PCDH15: variants seen among roughly 807,000 people sequenced by gnomAD.
PCDH15 encodes the protein protocadherin-15.
A neutral mutation model predicts 178.5 loss-of-function variants in PCDH15; 129 were observed. The ratio of observed to expected loss-of-function variants is 0.72; its 90% CI spans 0.63 to 0.84. The LOEUF (loss-of-function observed/expected upper bound fraction) is 0.84, where lower values mean the gene tolerates loss of function less well. PCDH15 is among the 40% of genes least tolerant of loss of function. The pLI, the probability that PCDH15 is intolerant of heterozygous loss-of-function variation, is 0.00. For synonymous variants in PCDH15, 800 were observed against 732.0 expected, an observed-to-expected ratio of 1.09 and a Z score of -1.50; for missense variants, 2,230 against 2,099.9, an observed-to-expected ratio of 1.06 and a Z score of -1.21.
At chr10:54,166,629 C>T (rs2046257495) in intron 13 of PCDH15, among the ~76,000 whole-genome samples, 1 of 152,046 alleles carries the variant, frequency 6.6e-6, no homozygotes, top group Non-Finnish European at 1.5e-5. Flanking sequence ...ATCTCAATAC[C>T]CAACTATTTT....
chr10:53,859,727 G>T (rs2078980772), intron 27 of PCDH15, among the ~76,000 whole-genome samples: 2 of 151,962 alleles, frequency 1.3e-5, no homozygotes, highest in Non-Finnish European at 2.9e-5. Context: ...TACTGATATA[G>T]ATCCGAAAAA....
chr10:54,330,877 C>G (rs1252893613), intron 6 of PCDH15, among the ~76,000 whole-genome samples: 1 of 151,554 alleles, frequency 6.6e-6, no homozygotes, highest in Non-Finnish European at 1.5e-5. Context: ...CTGAAATTGT[C>G]TTGTGGTTGT....
chr10:55,065,251 T>A (rs1402699165), intron 2 of PCDH15, among the ~76,000 whole-genome samples: 2 of 152,054 alleles, frequency 1.3e-5, no homozygotes, highest in Non-Finnish European at 2.9e-5. Flanking sequence ...CTACTTCCAA[T>A]CCCCATTCTT....
chr10:55,099,852 G>A lies in PCDH15; in HGVS notation c.-80+66724C>T, dbSNP rs554598481. On this transcript the variant is annotated intron_variant, in intron 2 of 5. Transcript: ENST00000458638. The stretch of plus-strand genomic sequence containing the variant: ...AGCTTTCTTCATTACTCATAGCAGT[G>A]GATATACACAAATCCATTTAGGGGT... Among the ~76,000 whole-genome samples, 3 of 152,034 alleles carry A rather than the reference G, an allele frequency of 2.0e-5. No homozygotes were observed. In the South Asian group the frequency reaches 6.2e-4, roughly 32 times the overall value.
At chr10:54,207,546 A>G (rs914285149) in intron 10 of PCDH15, among the ~76,000 whole-genome samples, 1 of 152,018 alleles carries the variant, frequency 6.6e-6, no homozygotes, top group African/African-American at 2.4e-5. Context: ...GAGCTTCTAC[A>G]TCCTCTGTGA....
intron 2 of PCDH15, among the ~76,000 whole-genome samples, chr10:55,463,556 G>A (rs956350488): frequency 1.3e-5 from 2 of 152,032 alleles, no homozygotes; most frequent in African/African-American, 2.4e-5. Context: ...ACAGAGAAAG[G>A]CTGAGAGTGG....
At chr10:55,305,642 T>G (rs1363118098) in intron 1 of PCDH15, among the ~76,000 whole-genome samples, 1 of 152,350 alleles carries the variant, frequency 6.6e-6, no homozygotes, top group African/African-American at 2.4e-5. Flanking sequence ...ACTGCAAAAC[T>G]ATTCAATGGG....
At chr10:54,069,585 C>T (rs1292842497) in intron 17 of PCDH15, among the ~76,000 whole-genome samples, 2 of 152,004 alleles carry the variant, frequency 1.3e-5, no homozygotes, top group Non-Finnish European at 2.9e-5. Flanking sequence ...TTTTTTAATA[C>T]CACTTGCTTC....
chr10:54,140,710 A>C, intron 14 of PCDH15, among the ~76,000 whole-genome samples: 1 of 143,430 alleles, frequency 7.0e-6, no homozygotes, highest in Non-Finnish European at 1.5e-5. Context: ...CTCGTGATCC[A>C]CTCTCCGTTG....
chr10:54,269,817 A>G (rs1204184271), intron 8 of PCDH15, among the ~76,000 whole-genome samples: 2 of 151,990 alleles, frequency 1.3e-5, no homozygotes, highest in Non-Finnish European at 2.9e-5. Flanking sequence ...CAAACCTACA[A>G]TCAACTATTT....
intron 2 of PCDH15, among the ~76,000 whole-genome samples, chr10:54,561,735 T>C (rs2088188298): frequency 6.6e-6 from 1 of 152,134 alleles, no homozygotes; most frequent in African/African-American, 2.4e-5. Context: ...ATAACTGGTT[T>C]GATATTTGTT....
intron 8 of PCDH15, among the ~76,000 whole-genome samples, chr10:54,313,344 A>C (rs142782950): frequency 1.2e-3 from 187 of 152,250 alleles, no homozygotes; most frequent in African/African-American, 4.2e-3. Context: ...CTGAAGACTG[A>C]ATAAGTTTTA....
At chr10:55,205,716 C>T (rs1226751369) in intron 1 of PCDH15, among the ~76,000 whole-genome samples, 1 of 151,882 alleles carries the variant, frequency 6.6e-6, no homozygotes, top group African/African-American at 2.4e-5. Context: ...AACACACACA[C>T]ATAAGAAAGC....
intron 2 of PCDH15, among the ~76,000 whole-genome samples, chr10:55,406,061 T>C (rs1380478274): frequency 8.8e-6 from 1 of 113,744 alleles, no homozygotes; most frequent in Non-Finnish European, 1.9e-5. Context: ...GGCAGCATGT[T>C]CCCATCTAAA....
intron 1 of PCDH15, among the ~76,000 whole-genome samples, chr10:54,677,573 A>G (rs1416367207): frequency 6.6e-6 from 1 of 152,146 alleles, no homozygotes; most frequent in African/African-American, 2.4e-5. Context: ...CTAAGTGTCC[A>G]TAAAATACCG....
intron 2 of PCDH15, among the ~76,000 whole-genome samples, chr10:54,622,619 A>T (rs1208283278): frequency 7.1e-5 from 3 of 42,462 alleles, no homozygotes; most frequent in Non-Finnish European, 1.4e-4. Flanking sequence ...ATTATATATA[A>T]TATATATAAT....
chr10:54,321,212 GA>G (rs2061584694), intron 7 of PCDH15, among the ~76,000 whole-genome samples: 2 of 118,234 alleles, frequency 1.7e-5, no homozygotes, highest in Non-Finnish European at 3.9e-5. Context: ...ATTTATTTTA[GA>G]AATGAGAATC....
intron 3 of PCDH15, among the ~76,000 whole-genome samples, chr10:54,488,697 A>C (rs1003946531): frequency 3.2e-4 from 49 of 152,026 alleles, no homozygotes; most frequent in Non-Finnish European, 6.0e-4. Context: ...TTTATCCTAA[A>C]GTGAAGTATC....
At chr10:55,572,525 C>A (rs1458233194) in intron 2 of PCDH15, among the ~76,000 whole-genome samples, 8 of 151,824 alleles carry the variant, frequency 5.3e-5, no homozygotes, top group Non-Finnish European at 1.2e-4. Flanking sequence ...ATGCAATGAT[C>A]AAAACACATA....
Sources: allele counts gnomAD v4.1 joint callset (sites outside exome capture counted in the v4.1 genomes callset), GRCh38; gene constraint gnomAD v4.1.1; transcripts MANE v1.5; gene names NCBI Gene and HGNC (gene_info 2026-07-23, HGNC 2026-07-21).